The following IWS1 variants were observed in gnomAD, a reference collection of about 807,000 sequenced individuals.
The protein encoded by IWS1 is protein IWS1 homolog.
IWS1 carries 27 observed loss-of-function variants against 86.7 expected under a neutral mutation model. That is an observed-to-expected ratio of 0.31 (90% CI 0.23 to 0.43). The LOEUF (loss-of-function observed/expected upper bound fraction) is 0.43, where lower values mean the gene tolerates loss of function less well. Ranked by LOEUF, IWS1 falls within the 20% of genes least tolerant of loss-of-function variation. The probability of loss-of-function intolerance (pLI) is 1.00; values close to 1 mark genes in which losing one functional copy is unlikely to be tolerated. For missense variants in IWS1, 827 were observed against 1,000.8 expected, an observed-to-expected ratio of 0.83 and a Z score of 2.34; for synonymous variants, 313 against 335.1, an observed-to-expected ratio of 0.93 and a Z score of 0.72.
At chr2:127,501,119 C>T (rs1193261598) in intron 5 of IWS1, among the ~76,000 whole-genome samples, 1 of 152,186 alleles carries the variant, frequency 6.6e-6, no homozygotes, top group East Asian at 1.9e-4. Context: ...CCTCCTGCAT[C>T]TCTAACCTTC....
intron 12 of IWS1, among the ~76,000 whole-genome samples, chr2:127,487,052 G>A (rs113048450): frequency 0.016 from 2,419 of 152,268 alleles, 64 homozygotes; most frequent in African/African-American, 0.055. Flanking sequence ...GAATTGTGAA[G>A]AATTGAGTCG....
At chr2:127,519,318 GATT>G (rs1558770435) in intron 2 of IWS1, among the ~76,000 whole-genome samples, 2 of 151,874 alleles carry the variant, frequency 1.3e-5, no homozygotes, top group African/African-American at 4.8e-5. Context: ...ACCTGTCTGA[GATT>G]ATTTATAGAC....
At chr2:127,493,232 GACC>G (rs1181511588) in intron 9 of IWS1, 46 bp downstream of exon 9, 1 of 1,556,338 alleles carries the variant, frequency 6.4e-7, no homozygotes, top group Non-Finnish European at 8.7e-7. Context: ...TGACCATACA[GACC>G]ACATTAGATA....
chr2:127,523,598 T>C (rs1692228382), intron 2 of IWS1, 78 bp downstream of exon 2: 1 of 917,436 alleles, frequency 1.1e-6, no homozygotes. Context: ...GTCACAGAGA[T>C]TCTGTAACTC....
chr2:127,507,485 T>G (rs765667610), intron 2 of IWS1, among the ~76,000 whole-genome samples: 2 of 152,310 alleles, frequency 1.3e-5, no homozygotes, highest in Non-Finnish European at 2.9e-5. Flanking sequence ...TGTATTAGAT[T>G]CCTTGTCAGT....
At chr2:127,507,635 T>C (rs1691214133) in intron 2 of IWS1, among the ~76,000 whole-genome samples, 1 of 152,132 alleles carries the variant, frequency 6.6e-6, no homozygotes, top group Non-Finnish European at 1.5e-5. Flanking sequence ...ACTTCATAAT[T>C]TAAAAGAATG....
Position 127,505,794 on chromosome 2 carries a change from A to C in IWS1, c.151-42T>G, listed in dbSNP as rs1691116557. The C allele has an allele frequency of 4.7e-6, 6 of 1,269,960 alleles. No homozygotes were observed. The highest frequency in any genetic ancestry group is 6.5e-6 in the Non-Finnish European group (6 of 925,418). 78.7% of individuals were successfully genotyped at this position (1,269,960 alleles called of 1,614,324 possible). A position where few individuals can be genotyped will look rare whatever the true frequency, so the allele number is the denominator to read the frequency against. On this transcript the variant is annotated intron_variant, in intron 2 of 13. Coordinates refer to ENST00000295321, the MANE Select transcript of IWS1 (RefSeq NM_017969.3). The surrounding 1 kb of genome is among the most constrained non-coding windows in gnomAD (Gnocchi z 5.0). The stretch of plus-strand genomic sequence containing the variant: ...GAAAAAATTAGGAAAGTGCAAAAAA[A>C]AAAAAACCATTAATAATAAAACATT...
chr2:127,499,758 T>C lies in IWS1; in HGVS notation c.1468-1521A>G, dbSNP rs1019229663. On this transcript the variant is annotated intron_variant, in intron 5 of 13. Coordinates refer to ENST00000295321, the MANE Select transcript of IWS1 (RefSeq NM_017969.3). The surrounding 1 kb of genome is among the most constrained non-coding windows in gnomAD (Gnocchi z 4.0). ...GTTAAAAATAAGTATTGTTTTTTTTTTGACCCAAGAACTATTTAAGCAGGG... is the reference window on the plus strand; with the variant it reads ...GTTAAAAATAAGTATTGTTTTTTTTCTGACCCAAGAACTATTTAAGCAGGG... Among the ~76,000 whole-genome samples, 4 of 152,208 alleles carry C rather than the reference T, an allele frequency of 2.6e-5. No individual in the cohort carries two copies. Among genetic ancestry groups the C allele is most frequent in the African/African-American group, 9.6e-5 (4 of 41,456 alleles).
Position 127,505,715 on chromosome 2 carries a change from C to T in IWS1, c.188G>A (p.Gly63Glu). The T allele has an allele frequency of 6.3e-7, 1 of 1,577,812 alleles. No homozygotes were observed. The highest frequency in any genetic ancestry group is 8.6e-7 in the Non-Finnish European group (1 of 1,165,716). Reference protein sequence around the residue: ...TSDREDGLPKGHHVTDSENDE... With the variant: ...TSDREDGLPKEHHVTDSENDE... ...GTTCTCAGAGTCTGTCACATGATGT[C>T]CTTTGGGGAGGCCATCTTCTCGATC... The change falls in exon 3 of 14, where the codon GGA becomes GAA. Residue 63 changes from glycine (G) to glutamate (E), a missense_variant. By Grantham distance (98) the Gly-to-Glu change is moderately conservative. Coordinates refer to ENST00000295321, the MANE Select transcript of IWS1 (RefSeq NM_017969.3). The surrounding 1 kb of genome is among the most constrained non-coding windows in gnomAD (Gnocchi z 5.0).
chr2:127,482,818 A>T (rs1689702468), intron 13 of IWS1: 1 of 152,230 alleles, frequency 6.6e-6, no homozygotes, highest in Admixed American at 6.5e-5. Flanking sequence ...CTCTCTCCTG[A>T]TTCATCAAGG....
At position 127,526,437 on chromosome 2, in the gene IWS1, T is replaced by A. The variant is rs1692424359; in HGVS notation, c.-229A>T. 2 of 1,535,244 alleles carry A rather than the reference T, an allele frequency of 1.3e-6. No individual in the cohort carries two copies. Among genetic ancestry groups the A allele is most frequent in the East Asian group, 4.9e-5 (2 of 40,664 alleles). On this transcript the variant is annotated 5_prime_UTR_variant, in exon 1 of 14. An upstream start codon of the reference 5' UTR is lost. Coordinates refer to ENST00000295321, the MANE Select transcript of IWS1 (RefSeq NM_017969.3). Reference sequence around the variant, plus strand: ...CGGCAGGCTGGCGGGCGGGCAGGCATGCGAGCCGGCGTTCTACTTCCTAGA... The same window carrying A: ...CGGCAGGCTGGCGGGCGGGCAGGCAAGCGAGCCGGCGTTCTACTTCCTAGA...
chr2:127,495,065 C>T (rs1690444106), intron 7 of IWS1, 111 bp from the exon 8 acceptor site: 8 of 646,994 alleles, frequency 1.2e-5, no homozygotes, highest in Non-Finnish European at 2.1e-5. Flanking sequence ...AACAATTTTT[C>T]CTACAAGAAA....
At chr2:127,503,652 G>C in intron 3 of IWS1, 76 bp from the exon 4 acceptor site, 1 of 805,738 alleles carries the variant, frequency 1.2e-6, no homozygotes, top group South Asian at 3.6e-5. Flanking sequence ...GGTGCTTTAA[G>C]ATGGCAGTAT....
At chr2:127,481,321 C>A in intron 13 of IWS1, 146 bp from the exon 14 acceptor site, 1 of 633,726 alleles carries the variant, frequency 1.6e-6, no homozygotes, top group Non-Finnish European at 2.6e-6. Flanking sequence ...TCAAGAACAA[C>A]AAAGCAAGTA....
intron 2 of IWS1, among the ~76,000 whole-genome samples, chr2:127,512,404 G>A (rs190295053): frequency 4.6e-5 from 7 of 152,236 alleles, no homozygotes; most frequent in East Asian, 1.9e-4. Flanking sequence ...ATTACTATTC[G>A]AAAAGATTTT....
intron 9 of IWS1, among the ~76,000 whole-genome samples, chr2:127,492,590 G>A (rs1558744720): frequency 6.6e-6 from 1 of 151,690 alleles, no homozygotes; most frequent in Non-Finnish European, 1.5e-5. Context: ...CAGTATTACA[G>A]CTGAGTTGAA....
chr2:127,502,944 A>G, intron 4 of IWS1, 72 bp from the exon 5 acceptor site: 1 of 863,006 alleles, frequency 1.2e-6, no homozygotes, highest in Non-Finnish European at 1.9e-6. Flanking sequence ...TTTTTAAAAA[A>G]TAGAATTTAT....
At position 127,490,400 on chromosome 2, in the gene IWS1, T is replaced by A. The variant is rs146230978; in HGVS notation, c.2048-457A>T. ...TGGTCTGTACCTTTAAAAATTACAG[T>A]TTAATAGTGCGGGTGGAGACTTTGT... is the stretch of plus-strand genomic sequence containing the variant. On this transcript the variant is annotated intron_variant, in intron 10 of 13. Transcript: ENST00000295321. Among the ~76,000 whole-genome samples, 3 of 152,296 alleles carry A rather than the reference T, an allele frequency of 2.0e-5. No individual in the cohort carries two copies. The East Asian group carries it at 5.8e-4, about 29-fold the overall frequency.
chr2:127,504,860 G>C lies in IWS1; in HGVS notation c.1043C>G (p.Ser348Cys), dbSNP rs1442502582. The C allele has an allele frequency of 6.2e-7, 1 of 1,614,136 alleles. No homozygotes were observed. The highest frequency in any genetic ancestry group is 2.2e-5 in the East Asian group (1 of 44,876). ...GTCCATATGGCTGTCTGAATGGAAG[G>C]AGTCATTCTGCATTTCTGTATCCTC... Reference protein sequence around the residue: ...KGEDTEMQNDSFHSDSHMDRK... With the variant: ...KGEDTEMQNDCFHSDSHMDRK... The change falls in exon 3 of 14, where the codon TCC (serine) becomes TGC (cysteine). Residue 348 changes from serine to cysteine, a missense_variant. By Grantham distance (112) the Ser-to-Cys change is moderately radical (BLOSUM62 -1). This residue lies in a region of IWS1 where 548 missense variants were observed against 560.2 expected (regional missense o/e 0.98). Transcript: ENST00000295321.
Sources: gnomAD v4.1 joint callset for allele counts (sites outside exome capture counted in the v4.1 genomes callset) on GRCh38, gnomAD v4.1.1 for gene constraint, gnomAD v4.1.1 regional missense constraint, Gnocchi (gnomAD v3.1) non-coding constraint, MANE v1.5 for transcripts, NCBI Gene and HGNC (gene_info 2026-07-23, HGNC 2026-07-21) for gene names.